The following ZNF232 variants were observed in gnomAD, a reference collection of about 807,000 sequenced individuals.
The protein encoded by ZNF232 is zinc finger and SCAN domain-containing protein 11.
Under a neutral mutation model 25.2 loss-of-function variants are expected in ZNF232, and 25 were observed. The observed-to-expected ratio is 0.99, with a 90% CI of 0.72 to 1.39. The LOEUF is 1.39. Ranked by LOEUF, ZNF232 falls within the 40% of genes most tolerant of loss-of-function variation. The pLI, the probability that ZNF232 is intolerant of heterozygous loss-of-function variation, is 0.00. For missense variants in ZNF232, 519 were observed against 520.9 expected, an observed-to-expected ratio of 1.00 and a Z score of 0.04; for synonymous variants, 193 against 182.9, an observed-to-expected ratio of 1.06 and a Z score of -0.45.
exon 4 of ZNF232, chr17:5,106,468 A>T: frequency 6.2e-7 from 1 of 1,614,230 alleles, no homozygotes; most frequent in Non-Finnish European, 8.5e-7. Flanking sequence ...TGTGGCAATG[A>T]TCCTTTGTCC....
chr17:5,106,362 A>C, exon 4 of ZNF232: 2 of 1,614,226 alleles, frequency 1.2e-6, no homozygotes, highest in Non-Finnish European at 1.7e-6. Flanking sequence ...TCTCTGCTGC[A>C]GTTCTAAGGT....
chr17:5,111,419 A>C, intron 1 of ZNF232: 2 of 321,700 alleles, frequency 6.2e-6, no homozygotes, highest in East Asian at 5.8e-5. Flanking sequence ...GGCGCGAGGA[A>C]AAACGCGGAG....
upstream of ZNF232, chr17:5,112,142 T>C (rs1165853963): frequency 4.3e-6 from 2 of 465,356 alleles, no homozygotes; most frequent in Non-Finnish European, 3.8e-6. Flanking sequence ...TTCATCAAGT[T>C]TGGGGGGTCT....
At chr17:5,109,802 T>C in exon 2 of ZNF232, 1 of 1,614,192 alleles carries the variant, frequency 6.2e-7, no homozygotes, top group Non-Finnish European at 8.5e-7. Context: ...CTGTTAGTGA[T>C]ACAGCCATCC....
At chr17:5,108,701 T>G in intron 3 of ZNF232, 3 of 537,544 alleles carry the variant, frequency 5.6e-6, no homozygotes, top group Non-Finnish European at 9.2e-6. Flanking sequence ...AGACCCAAGT[T>G]GAGCTTAATC....
intron 1 of ZNF232, among the ~76,000 whole-genome samples, chr17:5,118,797 C>T (rs2072587930): frequency 6.6e-6 from 1 of 152,170 alleles, no homozygotes; most frequent in Non-Finnish European, 1.5e-5. Flanking sequence ...CATCTTCTCC[C>T]CAAAGTCTGG....
chr17:5,114,592 A>C (rs1051317993), upstream of ZNF232: 4 of 152,434 alleles, frequency 2.6e-5, no homozygotes, highest in African/African-American at 9.7e-5. Flanking sequence ...CACTTTGGGA[A>C]ACCGAGGCGG....
chr17:5,122,611 G>C lies in ZNF232; in HGVS notation c.-530+366C>G, dbSNP rs1376826102. On this transcript the variant is annotated intron_variant, in intron 1 of 4. Coordinates refer to the ZNF232 transcript ENST00000250076. ...CCCAACCCAGCCCCGACCCTCCGCT[G>C]CGGGGCCCTCCCGGAACGGCCGGCT... Among the ~76,000 whole-genome samples, 4 of 152,276 alleles carry C rather than the reference G, an allele frequency of 2.6e-5. 1 individual carries two copies. The East Asian group carries it at 7.7e-4, about 29-fold the overall frequency.
chr17:5,111,796 TC>T lies in ZNF232; in HGVS notation c.23+3del. 1 of 1,613,736 alleles carries T rather than the reference TC, an allele frequency of 6.2e-7. No individual in the cohort carries two copies. The highest frequency in any genetic ancestry group is 8.5e-7 in the Non-Finnish European group (1 of 1,179,846). The stretch of plus-strand genomic sequence containing the variant: ...ACCTCGGGGAAGCCGCCGCCAACAC[TC>T]ACCTCACAGGACCAGGAGGTTCCAT... On this transcript the variant is annotated splice_donor_region_variant and intron_variant, in intron 1 of 3. Coordinates refer to ENST00000575898, the Ensembl canonical transcript of ZNF232.
chr17:5,122,482 CAAGGTTTTTCCAAA>C (rs1027385294), intron 1 of ZNF232, among the ~76,000 whole-genome samples: 13 of 152,234 alleles, frequency 8.5e-5, no homozygotes, highest in African/African-American at 3.1e-4. Flanking sequence ...GTTTTTCCAT[CAAGGTTTTTCCAAA>C]GGACAAGCGG....
intron 3 of ZNF232, 85 bp from the exon 4 acceptor site, chr17:5,106,618 C>T (rs1233034018): frequency 1.2e-5 from 14 of 1,152,922 alleles, no homozygotes; most frequent in Non-Finnish European, 1.6e-5. Flanking sequence ...ATATATATGA[C>T]AAACATTCGA....
At chr17:5,111,265 C>G (rs993650173) in intron 1 of ZNF232, 1 of 154,464 alleles carries the variant, frequency 6.5e-6, no homozygotes, top group African/African-American at 2.4e-5. Context: ...TTCCGTGACT[C>G]AGTTTCCAAG....
intron 1 of ZNF232, among the ~76,000 whole-genome samples, chr17:5,117,095 CACTT>C (rs2072555040): frequency 6.6e-6 from 1 of 152,212 alleles, no homozygotes; most frequent in African/African-American, 2.4e-5. Flanking sequence ...TCCTTTTTGG[CACTT>C]ATGGTTGCAA....
upstream of ZNF232, chr17:5,111,937 C>A: frequency 6.9e-7 from 1 of 1,459,678 alleles, no homozygotes; most frequent in South Asian, 1.3e-5. Context: ...CCGCCGGCTT[C>A]CGTTCGCGGA....
intron 1 of ZNF232, chr17:5,111,275 G>C (rs2072401714): frequency 6.4e-6 from 1 of 155,468 alleles, no homozygotes; most frequent in South Asian, 2.0e-4. Context: ...CAGTTTCCAA[G>C]CTTAACTTTT....
chr17:5,111,513 G>A (rs889342816), intron 1 of ZNF232: 2 of 479,886 alleles, frequency 4.2e-6, no homozygotes, highest in Non-Finnish European at 7.3e-6. Flanking sequence ...CCCGCCCGGG[G>A]AGGGGGCTGT....
upstream of ZNF232, among the ~76,000 whole-genome samples, chr17:5,112,706 C>A (rs2072446953): frequency 6.6e-6 from 1 of 151,978 alleles, no homozygotes; most frequent in Non-Finnish European, 1.5e-5. Context: ...CCCGTCTCGG[C>A]CTCCCAAAGT....
chr17:5,111,473 A>C, intron 1 of ZNF232: 3 of 442,058 alleles, frequency 6.8e-6, no homozygotes, highest in African/African-American at 2.0e-5. Flanking sequence ...GGCCCCAGCA[A>C]AACTTCTCTA....
At chr17:5,122,650 C>A (rs1410851998) in intron 1 of ZNF232, among the ~76,000 whole-genome samples, 1 of 152,228 alleles carries the variant, frequency 6.6e-6, no homozygotes, top group Admixed American at 6.5e-5. Flanking sequence ...ACGCGTGTCT[C>A]CCCTGGACAC....
Sources: gnomAD v4.1 joint callset for allele counts (sites outside exome capture counted in the v4.1 genomes callset) on GRCh38, gnomAD v4.1.1 for gene constraint, MANE v1.5 for transcripts, NCBI Gene and HGNC (gene_info 2026-07-23, HGNC 2026-07-21) for gene names.